TMEM204: variants seen among roughly 807,000 people sequenced by gnomAD.
The protein encoded by TMEM204 is claudin-like protein 24.
In TMEM204, 15 loss-of-function variants were observed where a neutral mutation model predicts 19.4. That is an observed-to-expected ratio of 0.77 (90% CI 0.52 to 1.19). The LOEUF is 1.19. TMEM204 is among the 50% of genes most tolerant of loss of function. The pLI is 0.00. For missense variants in TMEM204, 287 were observed against 321.2 expected (o/e 0.89, Z 0.81); for synonymous variants, 161 against 146.0 (o/e 1.10, Z -0.74).
At chr16:1,540,352 ACACT>A (rs1159702728) in intron 1 of TMEM204, among the ~76,000 whole-genome samples, 1 of 152,204 alleles carries the variant, frequency 6.6e-6, no homozygotes, top group Non-Finnish European at 1.5e-5. Context: ...AACCACGTAA[ACACT>A]CACGAAGTAA....
intron 2 of TMEM204, among the ~76,000 whole-genome samples, chr16:1,544,402 G>A (rs1372109601): frequency 1.3e-5 from 2 of 151,934 alleles, no homozygotes; most frequent in East Asian, 3.9e-4. Flanking sequence ...CGCCAGGATG[G>A]TCTCGATCTC....
At chr16:1,547,525 C>A (rs887932124) in intron 2 of TMEM204, among the ~76,000 whole-genome samples, 10 of 152,212 alleles carry the variant, frequency 6.6e-5, no homozygotes, top group Admixed American at 3.3e-4. Flanking sequence ...TAACCCGGTT[C>A]TTTGCTTGGT....
At chr16:1,543,530 G>A (rs2031855974) in intron 2 of TMEM204, among the ~76,000 whole-genome samples, 1 of 152,234 alleles carries the variant, frequency 6.6e-6, no homozygotes, top group Non-Finnish European at 1.5e-5. Flanking sequence ...CCTGGAACTG[G>A]AGCTGTGTCT....
At chr16:1,548,797 T>C (rs1340382743) in intron 2 of TMEM204, among the ~76,000 whole-genome samples, 9 of 152,212 alleles carry the variant, frequency 5.9e-5, no homozygotes, top group Admixed American at 5.9e-4. Flanking sequence ...TGCAGCTGAC[T>C]CAGTCACCTT....
intron 2 of TMEM204, 40 bp from the exon 3 acceptor site, chr16:1,554,742 C>G (rs2032950219): frequency 6.2e-7 from 1 of 1,606,904 alleles, no homozygotes; most frequent in Admixed American, 1.7e-5. Context: ...AACCCGCCTT[C>G]CTCTCAGACA....
Position 1,534,263 on chromosome 16 carries a change from A to G in TMEM204, c.-13A>G, listed in dbSNP as rs1173540452. The G allele has an allele frequency of 1.2e-6, 2 of 1,609,162 alleles. No homozygotes were observed. Among genetic ancestry groups the G allele is most frequent in the East Asian group, 4.5e-5 (2 of 44,878 alleles). ...TGGCTTTCTCCGGATAAGCGGCGGC[A>G]CCGGCGTCAGCGATGACCGTGCAGA... On this transcript the variant is annotated 5_prime_UTR_variant, in exon 1 of 3. Transcript: ENST00000566264.
At chr16:1,541,233 CTGAG>C (rs1334941825) in intron 1 of TMEM204, 1 of 985,292 alleles carries the variant, frequency 1.0e-6, no homozygotes, top group Non-Finnish European at 1.2e-6. Flanking sequence ...ACTTAAGCCA[CTGAG>C]TGAAAGATTT....
At chr16:1,538,816 C>T (rs536847266) in intron 1 of TMEM204, among the ~76,000 whole-genome samples, 29 of 152,302 alleles carry the variant, frequency 1.9e-4, no homozygotes, top group African/African-American at 6.3e-4. Flanking sequence ...GCAGGCTGTA[C>T]GTGGTCACTG....
At chr16:1,554,107 G>T in intron 2 of TMEM204, 2 of 1,287,176 alleles carry the variant, frequency 1.6e-6, no homozygotes, top group Non-Finnish European at 2.0e-6. Flanking sequence ...AGAACGAGAA[G>T]CACTGACTCG....
chr16:1,530,282 G>A (rs555242920), upstream of TMEM204, among the ~76,000 whole-genome samples: 9 of 151,734 alleles, frequency 5.9e-5, no homozygotes, highest in South Asian at 6.3e-4. Flanking sequence ...ACAGGCATGC[G>A]CCACCACACC....
intron 2 of TMEM204, among the ~76,000 whole-genome samples, chr16:1,545,075 GT>G (rs2032053204): frequency 6.6e-6 from 1 of 152,224 alleles, no homozygotes; most frequent in Non-Finnish European, 1.5e-5. Context: ...ACAAGATAGT[GT>G]TTCTAAATGT....
intron 2 of TMEM204, among the ~76,000 whole-genome samples, chr16:1,550,879 C>T (rs2032579160): frequency 6.6e-6 from 1 of 152,236 alleles, no homozygotes; most frequent in South Asian, 2.1e-4. Context: ...AGCGTGGTCC[C>T]CGGCGTGCCA....
At chr16:1,532,740 C>G (rs1474514282), upstream of TMEM204, 1 of 152,282 alleles carries the variant, frequency 6.6e-6, no homozygotes, top group Non-Finnish European at 1.5e-5. Context: ...GGTTTCGGGT[C>G]TCTGGAGATG....
At position 1,553,992 on chromosome 16, in the gene TMEM204, C is replaced by G; in HGVS notation, c.437-790C>G. 7.8e-7 allele frequency: 1 copy of G among 1,287,234 alleles called. No individual in the cohort carries two copies. The highest frequency in any genetic ancestry group is 1.0e-6 in the Non-Finnish European group (1 of 988,690). The allele number at this position is 1,287,234 out of a possible 1,614,324, so 79.7% of individuals were successfully genotyped here. A position where few individuals can be genotyped will look rare whatever the true frequency, so the allele number is the denominator to read the frequency against. On this transcript the variant is annotated intron_variant, in intron 2 of 2. Transcript: ENST00000566264. The surrounding 1 kb of genome is among the most constrained non-coding windows in gnomAD (Gnocchi z 4.4). ...ACTAACTAGACGGGAACAAGCTGCG[C>G]CAACCAAGGGTTGCTCACGGCCCAC...
intron 2 of TMEM204, among the ~76,000 whole-genome samples, chr16:1,543,020 C>G (rs2031796649): frequency 6.6e-6 from 1 of 152,262 alleles, no homozygotes; most frequent in Admixed American, 6.5e-5. Context: ...GGGGGCTCTG[C>G]TGGTCTTCTG....
chr16:1,540,066 C>T (rs536498636), intron 1 of TMEM204, among the ~76,000 whole-genome samples: 1 of 152,110 alleles, frequency 6.6e-6, no homozygotes, highest in Non-Finnish European at 1.5e-5. Context: ...GGTAGGACGG[C>T]GGGGGGACCC....
In TMEM204 at chr16:1,551,084, C is replaced by T. The variant is rs2032596833; in HGVS notation, c.437-3698C>T. ...AAGGCTGCTGTTCCTCCTCGCCTTTCCCGCAGCTCCACACTGCATTCTGTT... is the reference window on the plus strand; with the variant it reads ...AAGGCTGCTGTTCCTCCTCGCCTTTTCCGCAGCTCCACACTGCATTCTGTT... On this transcript the variant is annotated intron_variant, in intron 2 of 2. Coordinates refer to ENST00000566264, the MANE Select transcript of TMEM204 (RefSeq NM_024600.6). The surrounding 1 kb of genome is among the most constrained non-coding windows in gnomAD (Gnocchi z 4.0). Among the ~76,000 whole-genome samples the T allele has an allele frequency of 6.6e-6, 1 of 152,198 alleles. No homozygotes were observed. The highest frequency in any genetic ancestry group is 2.1e-4 in the South Asian group (1 of 4,836).
At chr16:1,536,710 G>A (rs2031107388) in intron 1 of TMEM204, among the ~76,000 whole-genome samples, 1 of 152,124 alleles carries the variant, frequency 6.6e-6, no homozygotes, top group South Asian at 2.1e-4. Flanking sequence ...CGCGCCCAGA[G>A]TCTCCCTTGG....
At chr16:1,540,141 C>G (rs911624999) in intron 1 of TMEM204, among the ~76,000 whole-genome samples, 4 of 152,194 alleles carry the variant, frequency 2.6e-5, no homozygotes, top group Non-Finnish European at 5.9e-5. Context: ...CTGAGACGAT[C>G]CCACACACCA....
Sources: allele counts gnomAD v4.1 joint callset (sites outside exome capture counted in the v4.1 genomes callset), GRCh38; gene constraint gnomAD v4.1.1; non-coding constraint Gnocchi (gnomAD v3.1); transcripts MANE v1.5; gene names NCBI Gene and HGNC (gene_info 2026-07-23, HGNC 2026-07-21).